The following TIPRL variants were observed in gnomAD, a reference collection of about 807,000 sequenced individuals.
TIPRL encodes the protein TOR signaling pathway regulator.
TIPRL carries 10 observed loss-of-function variants against 32.3 expected under a neutral mutation model. That is an observed-to-expected ratio of 0.31 (90% confidence interval 0.19 to 0.52). The LOEUF (loss-of-function observed/expected upper bound fraction) is 0.52, where lower values mean the gene tolerates loss of function less well. Among genes scored for constraint, TIPRL ranks in the 20% least tolerant of loss-of-function variants. TIPRL has a pLI of 0.96. For synonymous variants in TIPRL, 100 were observed against 114.0 expected, an observed-to-expected ratio of 0.88 and a Z score of 0.78; for missense variants, 250 against 328.1, an observed-to-expected ratio of 0.76 and a Z score of 1.84.
intron 3 of TIPRL, among the ~76,000 whole-genome samples, chr1:168,186,445 G>C (rs562829576): frequency 6.6e-6 from 1 of 151,862 alleles, no homozygotes; most frequent in East Asian, 1.9e-4. Flanking sequence ...GCAGTGATCC[G>C]AGATCACGCC....
At chr1:168,198,329 CT>C (rs1700178887) in intron 5 of TIPRL, among the ~76,000 whole-genome samples, 2 of 151,860 alleles carry the variant, frequency 1.3e-5, no homozygotes, top group South Asian at 2.1e-4. Context: ...AATTTTGTGG[CT>C]TTTCTTTTAT....
chr1:168,192,501 C>G (rs776604798), intron 4 of TIPRL: 26 of 774,730 alleles, frequency 3.4e-5, no homozygotes, highest in Non-Finnish European at 3.9e-5. Flanking sequence ...ATGCCTCATT[C>G]TTTAAGACCC....
At chr1:168,181,361 A>G (rs1699960564) in intron 1 of TIPRL, among the ~76,000 whole-genome samples, 1 of 151,222 alleles carries the variant, frequency 6.6e-6, no homozygotes, top group Non-Finnish European at 1.5e-5. Context: ...ACAGGCATGC[A>G]TCACCACGCC....
chr1:168,186,130 A>G (rs1452635899), intron 3 of TIPRL, among the ~76,000 whole-genome samples: 2 of 149,178 alleles, frequency 1.3e-5, no homozygotes, highest in African/African-American at 2.4e-5. Flanking sequence ...AAATAACGCT[A>G]GGAAGATGGA....
rs189181635 is a variant in TIPRL at position 168,198,800 on chromosome 1, T to C, written c.613-119T>C. 3.7e-6 allele frequency: 3 copies of C among 814,328 alleles called. No homozygotes were observed. In the Admixed American group the frequency reaches 7.7e-5, roughly 21 times the overall value. The allele number at this position is 814,328 out of a possible 1,614,324, so 50.4% of individuals were successfully genotyped here. On this transcript the variant is annotated intron_variant, in intron 5 of 6. Transcript: ENST00000367833. Reference sequence around the variant, plus strand: ...TCTCAGTGTAGAACAAGATGTTCTCTTTAGACTGCATGCTGTTTTGACAAC... The same window carrying C: ...TCTCAGTGTAGAACAAGATGTTCTCCTTAGACTGCATGCTGTTTTGACAAC...
chr1:168,189,035 T>A (rs979634007), intron 3 of TIPRL, among the ~76,000 whole-genome samples: 2 of 151,760 alleles, frequency 1.3e-5, no homozygotes, highest in Non-Finnish European at 2.9e-5. Context: ...GTGTCATCTC[T>A]GATTTGGGAG....
chr1:168,182,482 C>T (rs1183664002), intron 1 of TIPRL, among the ~76,000 whole-genome samples: 7 of 152,154 alleles, frequency 4.6e-5, no homozygotes, highest in East Asian at 1.9e-4. Flanking sequence ...AAAAATTAGC[C>T]GGGCATGGTG....
intron 3 of TIPRL, among the ~76,000 whole-genome samples, chr1:168,189,922 T>A (rs58253115): frequency 8.2e-4 from 125 of 152,308 alleles, no homozygotes; most frequent in African/African-American, 2.9e-3. Context: ...AAGGCATATG[T>A]GAAACATTAA....
chr1:168,182,483 G>T (rs935922896), intron 1 of TIPRL, among the ~76,000 whole-genome samples: 1 of 152,094 alleles, frequency 6.6e-6, no homozygotes, highest in Admixed American at 6.6e-5. Context: ...AAAATTAGCC[G>T]GGCATGGTGG....
intron 4 of TIPRL, among the ~76,000 whole-genome samples, chr1:168,195,522 G>A (rs1360346332): frequency 1.3e-5 from 2 of 152,152 alleles, no homozygotes; most frequent in African/African-American, 2.4e-5. Context: ...TAAGAACTTG[G>A]TGTTAGTAGA....
intron 1 of TIPRL, among the ~76,000 whole-genome samples, chr1:168,179,390 T>G (rs1572427154): frequency 6.6e-6 from 1 of 152,284 alleles, no homozygotes; most frequent in East Asian, 1.9e-4. Flanking sequence ...TTTCGTCAAC[T>G]GTCAATCCGC....
In TIPRL at chr1:168,200,964, G is replaced by C. The variant is rs570432588; in HGVS notation, c.*918G>C. 250 of 151,978 alleles carry C rather than the reference G, an allele frequency of 1.6e-3. 2 individuals are homozygous for C. Among genetic ancestry groups the C allele is most frequent in the African/African-American group, 5.7e-3 (238 of 41,444 alleles). The allele number at this position is 151,978 out of a possible 1,614,324, so 9.4% of individuals were successfully genotyped here. On this transcript the variant is annotated 3_prime_UTR_variant, in exon 7 of 7. Coordinates refer to ENST00000367833, the MANE Select transcript of TIPRL (RefSeq NM_152902.5). The stretch of plus-strand genomic sequence containing the variant: ...TTGGGAAGATAGGTAAGGAGGAGGG[G>C]GTTTTAAAATATAAAAGCAAGTTTT...
chr1:168,180,809 T>TC (rs1487311916), intron 1 of TIPRL, among the ~76,000 whole-genome samples: 2 of 148,890 alleles, frequency 1.3e-5, no homozygotes, highest in African/African-American at 2.5e-5. Flanking sequence ...TCTTTTCTTT[T>TC]TTTTTTATAA....
intron 4 of TIPRL, 142 bp downstream of exon 4, chr1:168,191,642 C>A: frequency 1.7e-6 from 1 of 581,618 alleles, no homozygotes; most frequent in Non-Finnish European, 2.6e-6. Flanking sequence ...GAGGCTGAGG[C>A]GGGCTGGATC....
Position 168,184,898 on chromosome 1 carries a change from TTCATGAG to T in TIPRL, c.384+25_384+31del, listed in dbSNP as rs1244874853. The T allele has an allele frequency of 1.3e-6, 2 of 1,482,960 alleles. No homozygotes were observed. The highest frequency in any genetic ancestry group is 3.4e-5 in the Admixed American group (2 of 58,192). The allele number at this position is 1,482,960 out of a possible 1,614,324, so 91.9% of individuals were successfully genotyped here. On this transcript the variant is annotated intron_variant, in intron 3 of 6. Coordinates refer to ENST00000367833, the MANE Select transcript of TIPRL (RefSeq NM_152902.5). ...TTAAAGGTAAATCTTACTTTTTTCT[TTCATGAG>T]TCATTGATTGTCTTGGACAGTCTGA...
chr1:168,184,641 C>A, intron 2 of TIPRL, 138 bp from the exon 3 acceptor site: 2 of 669,234 alleles, frequency 3.0e-6, no homozygotes, highest in Non-Finnish European at 5.1e-6. Flanking sequence ...TAAGAAAAAC[C>A]TTGTACTGGT....
intron 4 of TIPRL, chr1:168,192,430 C>T: frequency 1.0e-6 from 1 of 997,858 alleles, no homozygotes; most frequent in African/African-American, 1.7e-5. Flanking sequence ...TTCTTTACCA[C>T]TGCATTATAA....
At chr1:168,195,126 C>A (rs567769581) in intron 4 of TIPRL, among the ~76,000 whole-genome samples, 1 of 152,306 alleles carries the variant, frequency 6.6e-6, no homozygotes, top group East Asian at 1.9e-4. Context: ...GCTGGTGACT[C>A]TCCAGGCAGT....
In TIPRL at chr1:168,201,269, T is replaced by G. The variant is rs1057179718; in HGVS notation, c.*1223T>G. 4.6e-5 allele frequency: 7 copies of G among 152,160 alleles called. No homozygotes were observed. Among genetic ancestry groups the G allele is most frequent in the Non-Finnish European group, 7.4e-5 (5 of 68,008 alleles). The allele number at this position is 152,160 out of a possible 1,614,324, so 9.4% of individuals were successfully genotyped here. ...GGGCAGGGGGAAAATTCACCCCTTT[T>G]CTGATTTGAAATATGTTGTACATAT... On this transcript the variant is annotated 3_prime_UTR_variant, in exon 7 of 7. Coordinates refer to ENST00000367833, the MANE Select transcript of TIPRL (RefSeq NM_152902.5).
Sources: gnomAD v4.1 joint callset for allele counts (sites outside exome capture counted in the v4.1 genomes callset) on GRCh38, gnomAD v4.1.1 for gene constraint, MANE v1.5 for transcripts, NCBI Gene and HGNC (gene_info 2026-07-23, HGNC 2026-07-21) for gene names.